AGBL1: variants seen among roughly 807,000 people sequenced by gnomAD.
AGBL1 encodes the protein AGBL carboxypeptidase 1.
Under a neutral mutation model 118.9 loss-of-function variants are expected in AGBL1, and 130 were observed. The observed-to-expected ratio is 1.09, with a 90% CI of 0.95 to 1.26. AGBL1 has a LOEUF of 1.26. AGBL1 is among the 50% of genes most tolerant of loss of function. AGBL1 has a pLI of 0.00. For synonymous variants in AGBL1, 555 were observed against 478.9 expected (o/e 1.16, Z -2.08); for missense variants, 1,584 against 1,298.1 (o/e 1.22, Z -3.38).
At chr15:86,483,712 T>C (rs1362711522) in intron 18 of AGBL1, among the ~76,000 whole-genome samples, 1 of 152,158 alleles carries the variant, frequency 6.6e-6, no homozygotes, top group East Asian at 1.9e-4. Flanking sequence ...AAGATTTGGG[T>C]AGATGAAATG....
chr15:86,905,586 G>C (rs370330238), intron 22 of AGBL1, among the ~76,000 whole-genome samples: 12 of 152,266 alleles, frequency 7.9e-5, no homozygotes, highest in African/African-American at 2.9e-4. Flanking sequence ...TTATTTCACA[G>C]AATACTCTGC....
intron 17 of AGBL1, among the ~76,000 whole-genome samples, chr15:86,307,141 T>C (rs971873222): frequency 9.2e-5 from 14 of 152,180 alleles, no homozygotes; most frequent in Non-Finnish European, 1.0e-4. Flanking sequence ...CATTTTAGTG[T>C]TATTCTAATT....
At chr15:86,754,382 A>G (rs931045002) in intron 22 of AGBL1, among the ~76,000 whole-genome samples, 2 of 152,092 alleles carry the variant, frequency 1.3e-5, no homozygotes, top group Non-Finnish European at 2.9e-5. Context: ...TTAAGCAACA[A>G]TCAAACAATA....
At chr15:86,683,665 T>G (rs961577541) in intron 22 of AGBL1, among the ~76,000 whole-genome samples, 46 of 152,122 alleles carry the variant, frequency 3.0e-4, no homozygotes, top group African/African-American at 1.1e-3. Context: ...TACCTGAAAA[T>G]AGAATAGGCT....
At chr15:86,698,603 G>C (rs1308872126) in intron 22 of AGBL1, among the ~76,000 whole-genome samples, 1 of 149,232 alleles carries the variant, frequency 6.7e-6, no homozygotes, top group African/African-American at 2.5e-5. Context: ...ATATAGTGCT[G>C]ATCATTGTTT....
At chr15:86,602,039 C>G (rs373931839) in intron 21 of AGBL1, among the ~76,000 whole-genome samples, 11 of 152,098 alleles carry the variant, frequency 7.2e-5, no homozygotes, top group African/African-American at 2.7e-4. Flanking sequence ...CTCTCCCTCC[C>G]TTCCTTCTTC....
chr15:86,935,780 CAG>C lies in AGBL1; in HGVS notation c.3222-52206_3222-52205del, dbSNP rs1555464452. Among the ~76,000 whole-genome samples, 5 of 152,174 alleles carry C rather than the reference CAG, an allele frequency of 3.3e-5. No individual in the cohort carries two copies. The East Asian group carries it at 9.6e-4, about 29-fold the overall frequency. Reference sequence around the variant, plus strand: ...AGAGAGCCGCACTGAGGCTGGAAAACAGGGGAACTCAAGGTGACAATTGTATG... The same window carrying C: ...AGAGAGCCGCACTGAGGCTGGAAAACGGGAACTCAAGGTGACAATTGTATG... On this transcript the variant is annotated intron_variant, in intron 23 of 24. Transcript: ENST00000441037.
Position 86,271,672 on chromosome 15 carries a change from T to C in AGBL1, c.2041T>C (p.Trp681Arg), listed in dbSNP as rs2141692336. The C allele has an allele frequency of 6.2e-7, 1 of 1,613,482 alleles. No individual in the cohort carries two copies. The highest frequency in any genetic ancestry group is 2.2e-5 in the East Asian group (1 of 44,866). The change falls in exon 15 of 23, where the codon TGG becomes CGG. Residue 681 changes from tryptophan (W) to arginine (R), a missense_variant. Trp to Arg is a moderately radical substitution (Grantham distance 101). Coordinates refer to ENST00000614907, the MANE Select transcript of AGBL1 (RefSeq NM_001386094.1). ...VKEALLGKPT[W>R]IRTGHEICYY... is the part of the protein sequence containing the mutation. ...GGAGGCTCTTCTTGGCAAACCCACC[T>C]GGATAAGGACAGGCCATGAAATATG...
At chr15:86,880,567 G>A (rs1596585392) in intron 22 of AGBL1, among the ~76,000 whole-genome samples, 1 of 152,144 alleles carries the variant, frequency 6.6e-6, no homozygotes, top group Non-Finnish European at 1.5e-5. Context: ...ATGTATGCAC[G>A]GGGGTGGTAT....
intron 21 of AGBL1, among the ~76,000 whole-genome samples, chr15:86,557,642 A>C (rs2083753062): frequency 2.0e-5 from 3 of 152,164 alleles, no homozygotes; most frequent in Non-Finnish European, 4.4e-5. Flanking sequence ...AATAACACAA[A>C]TCTATTCAAG....
intron 22 of AGBL1, among the ~76,000 whole-genome samples, chr15:86,903,201 G>T (rs1487313095): frequency 6.6e-6 from 1 of 151,510 alleles, no homozygotes. Flanking sequence ...CCTCTACTGA[G>T]TTTCCTTTAT....
intron 1 of AGBL1, among the ~76,000 whole-genome samples, chr15:86,133,399 ACT>A (rs2076843852): frequency 2.0e-5 from 3 of 152,148 alleles, no homozygotes; most frequent in South Asian, 4.2e-4. Flanking sequence ...ACATCAAATA[ACT>A]CTATTTTATG....
intron 24 of AGBL1, among the ~76,000 whole-genome samples, chr15:86,990,849 C>G (rs1253195212): frequency 6.6e-6 from 1 of 152,108 alleles, no homozygotes; most frequent in Non-Finnish European, 1.5e-5. Flanking sequence ...TATGGAAACT[C>G]AGAAGGGGGA....
chr15:86,721,654 A>T (rs559803732), intron 22 of AGBL1, among the ~76,000 whole-genome samples: 79 of 152,364 alleles, frequency 5.2e-4, no homozygotes, highest in African/African-American at 1.8e-3. Flanking sequence ...AGTTCTGGCC[A>T]GGGCAATTAG....
At chr15:86,979,504 G>A (rs2081207838) in intron 23 of AGBL1, among the ~76,000 whole-genome samples, 1 of 151,370 alleles carries the variant, frequency 6.6e-6, no homozygotes, top group Non-Finnish European at 1.5e-5. Flanking sequence ...TTTTGGCGGG[G>A]GGGAGATGGT....
At position 86,674,449 on chromosome 15, in the gene AGBL1, C is replaced by T. The variant is rs115009083; in HGVS notation, c.3158+13C>T. The T allele has an allele frequency of 1.3e-6, 2 of 1,594,512 alleles. No individual in the cohort carries two copies. Among genetic ancestry groups the T allele is most frequent in the African/African-American group, 2.7e-5 (2 of 74,626 alleles). On this transcript the variant is annotated intron_variant, in intron 22 of 22. Coordinates refer to ENST00000614907, the MANE Select transcript of AGBL1 (RefSeq NM_001386094.1). The stretch of plus-strand genomic sequence containing the variant: ...AGCACCTCCAACGGTAAGATGCTCC[C>T]AAGGGCTCAGAGAAATTTGGACCTT...
chr15:86,859,148 G>T (rs562917096), intron 22 of AGBL1, among the ~76,000 whole-genome samples: 2 of 152,276 alleles, frequency 1.3e-5, no homozygotes, highest in South Asian at 4.1e-4. Context: ...TTATTGCATT[G>T]GAGAATGTTT....
At chr15:86,189,636 G>A (rs1006965363) in intron 5 of AGBL1, among the ~76,000 whole-genome samples, 2 of 152,062 alleles carry the variant, frequency 1.3e-5, no homozygotes, top group African/African-American at 4.8e-5. Context: ...TTCTCTTGCT[G>A]CTTCTCTCAG....
intron 22 of AGBL1, among the ~76,000 whole-genome samples, chr15:86,799,171 CTTTAT>C (rs933927901): frequency 3.5e-5 from 5 of 141,524 alleles, no homozygotes; most frequent in South Asian, 2.3e-4. Context: ...TTTTATTTTA[CTTTAT>C]TTTATTTTAT....
Sources: gnomAD v4.1 joint callset for allele counts (sites outside exome capture counted in the v4.1 genomes callset) on GRCh38, gnomAD v4.1.1 for gene constraint, MANE v1.5 for transcripts, NCBI Gene and HGNC (gene_info 2026-07-23, HGNC 2026-07-21) for gene names.